Variants in EIF3F observed in about 807,000 individuals in gnomAD.
EIF3F encodes the protein eukaryotic translation initiation factor 3 subunit F.
A neutral mutation model predicts 36.0 loss-of-function variants in EIF3F; 8 were observed. The observed-to-expected ratio is 0.22, with a 90% CI of 0.13 to 0.40. EIF3F has a LOEUF of 0.40. EIF3F is among the 10% of genes least tolerant of loss of function. The pLI, the probability that EIF3F is intolerant of heterozygous loss-of-function variation, is 1.00. For missense variants in EIF3F, 430 were observed against 467.6 expected (o/e 0.92, Z 0.74); for synonymous variants, 184 against 188.5 (o/e 0.98, Z 0.19).
chr11:7,992,711 T>C, intron 3 of EIF3F, 176 bp from the exon 4 acceptor site: 2 of 794,600 alleles, frequency 2.5e-6, no homozygotes, highest in South Asian at 3.3e-5. Flanking sequence ...CAGCACTAAG[T>C]CAGCCTTTGA....
At chr11:7,993,549 T>C (rs551839003) in intron 4 of EIF3F, among the ~76,000 whole-genome samples, 3 of 152,240 alleles carry the variant, frequency 2.0e-5, no homozygotes, top group Admixed American at 6.5e-5. Flanking sequence ...ATGCCAGTTA[T>C]GGGGGATGTT....
At chr11:7,991,188 G>A (rs972884012) in intron 1 of EIF3F, among the ~76,000 whole-genome samples, 50 of 149,050 alleles carry the variant, frequency 3.4e-4, no homozygotes, top group Non-Finnish European at 5.3e-4. Flanking sequence ...GCAAGATTTC[G>A]TCTCAGAAAA....
At chr11:7,994,624 A>G (rs772688748) in intron 5 of EIF3F, 107 bp downstream of exon 5, 33 of 1,029,728 alleles carry the variant, frequency 3.2e-5, no homozygotes, top group East Asian at 1.6e-4. Flanking sequence ...AAAAGGGACT[A>G]TTGATCTAAG....
At chr11:7,992,439 A>T in intron 3 of EIF3F, 1 of 484,272 alleles carries the variant, frequency 2.1e-6, no homozygotes, top group South Asian at 2.3e-5. Flanking sequence ...AGGCATGATG[A>T]CACACACCTA....
In EIF3F at chr11:7,992,170, T is replaced by A; in HGVS notation, c.515+7T>A. On this transcript the variant is annotated splice_region_variant and intron_variant, in intron 3 of 7. Transcript: ENST00000651655. ...ATGAGCTCATCCTGGGCTGGTAAGT[T>A]GGGGAGGTGGGGGCTGGGGTTAATG... is the stretch of plus-strand genomic sequence containing the variant. 2 of 1,608,408 alleles carry A rather than the reference T, an allele frequency of 1.2e-6. No homozygotes were observed. Among genetic ancestry groups the A allele is most frequent in the Non-Finnish European group, 1.7e-6 (2 of 1,178,190 alleles).
At chr11:7,990,865 G>GAATGAATA (rs71452436) in intron 1 of EIF3F, among the ~76,000 whole-genome samples, 1 of 136,594 alleles carries the variant, frequency 7.3e-6, no homozygotes, top group African/African-American at 2.6e-5. Flanking sequence ...AATGTAGTGG[G>GAATGAATA]AATAAATAAA....
At chr11:7,994,934 CTT>C in intron 5 of EIF3F, 46 bp from the exon 6 acceptor site, 1 of 1,603,940 alleles carries the variant, frequency 6.2e-7, no homozygotes, top group Non-Finnish European at 8.5e-7. Context: ...AATTCTCTCT[CTT>C]ACTGCCCACC....
At position 7,996,368 on chromosome 11, in the gene EIF3F, G is replaced by C. The variant is rs963604767; in HGVS notation, c.*346G>C. The C allele has an allele frequency of 5.2e-6, 1 of 192,998 alleles. No homozygotes were observed. Among genetic ancestry groups the C allele is most frequent in the Non-Finnish European group, 1.1e-5 (1 of 94,034 alleles). 12.0% of individuals were successfully genotyped at this position (192,998 alleles called of 1,614,324 possible). A position where few individuals can be genotyped will look rare whatever the true frequency, so the allele number is the denominator to read the frequency against. ...ACAACCTTTTCTTGAGGATTCATGT[G>C]ATTTCTACAGGAAATGAAAATAAGA... On this transcript the variant is annotated 3_prime_UTR_variant, in exon 8 of 8. Coordinates refer to ENST00000651655, the MANE Select transcript of EIF3F (RefSeq NM_003754.3).
At position 7,998,368 on chromosome 11, in the gene EIF3F, AG is replaced by A. The variant is rs1942185744; in HGVS notation, c.*2348del. The A allele has an allele frequency of 6.6e-6, 1 of 152,250 alleles. No individual in the cohort carries two copies. 9.4% of individuals were successfully genotyped at this position (152,250 alleles called of 1,614,324 possible). ...GAATGAAGCTTACCTCAGTTTCTCC[AG>A]GCGGCACATCACAGTCTTCTTGCAC... On this transcript the variant is annotated 3_prime_UTR_variant, in exon 8 of 8. Transcript: ENST00000651655.
intron 1 of EIF3F, among the ~76,000 whole-genome samples, chr11:7,988,760 T>C (rs7125891): frequency 1.3e-5 from 2 of 152,054 alleles, no homozygotes; most frequent in Non-Finnish European, 2.9e-5. Flanking sequence ...GCCATGTGAC[T>C]TGGGGCAGAT....
At chr11:7,991,706 A>G in intron 1 of EIF3F, 75 bp from the exon 2 acceptor site, 1 of 1,407,412 alleles carries the variant, frequency 7.1e-7, no homozygotes. Flanking sequence ...GATCATCAAA[A>G]GCATTTCAAA....
In EIF3F at chr11:8,000,732, G is replaced by A. The variant is rs1211008484; in HGVS notation, c.*4710G>A. On this transcript the variant is annotated 3_prime_UTR_variant, in exon 8 of 8. Transcript: ENST00000651655. ...AGATAGATTACTTAAGAGCGAATGA[G>A]TGGTAATTTGGAAACAATGTTGGAT... The A allele has an allele frequency of 6.6e-6, 1 of 152,104 alleles. No individual in the cohort carries two copies. Among genetic ancestry groups the A allele is most frequent in the Non-Finnish European group, 1.5e-5 (1 of 68,032 alleles). 9.4% of individuals were successfully genotyped at this position (152,104 alleles called of 1,614,324 possible).
intron 1 of EIF3F, chr11:7,987,959 T>A: frequency 2.2e-6 from 1 of 454,982 alleles, no homozygotes; most frequent in Non-Finnish European, 3.5e-6. Context: ...ACACAAGGAG[T>A]AGTTGTGTCA....
chr11:7,991,937 T>C, intron 2 of EIF3F, 86 bp downstream of exon 2: 1 of 1,534,298 alleles, frequency 6.5e-7, no homozygotes, highest in East Asian at 2.3e-5. Context: ...CACTCATAAC[T>C]AGAGCTCCTG....
At chr11:7,990,872 T>TA (rs1942083743) in intron 1 of EIF3F, among the ~76,000 whole-genome samples, 1 of 86,058 alleles carries the variant, frequency 1.2e-5, no homozygotes, top group Admixed American at 1.3e-4. Context: ...TGGGAATAAA[T>TA]AAATAAATAA....
chr11:7,995,065 G>A lies in EIF3F; in HGVS notation c.829G>A (p.Ala277Thr), dbSNP rs1243917036. 2 of 1,614,032 alleles carry A rather than the reference G, an allele frequency of 1.2e-6. No individual in the cohort carries two copies. Among genetic ancestry groups the A allele is most frequent in the South Asian group, 2.2e-5 (2 of 91,074 alleles). Reference sequence around the variant, plus strand: ...CTTGCAGCAAGTAGGAGGGGCATCAGCTCGCATCCAGGATGCCCTGAGTAC... The same window carrying A: ...CTTGCAGCAAGTAGGAGGGGCATCAACTCGCATCCAGGATGCCCTGAGTAC... Reference protein sequence around the residue: ...SDLQQVGGASARIQDALSTVL... With the variant: ...SDLQQVGGASTRIQDALSTVL... The change falls in exon 6 of 8, where the codon GCT becomes ACT. Residue 277 changes from alanine (A) to threonine (T), a missense_variant. By Grantham distance (58) the Ala-to-Thr change is moderately conservative. Around this residue, in one of 2 missense-constraint regions of EIF3F, gnomAD observed 262 missense variants for 347.4 expected, o/e 0.75. Coordinates refer to ENST00000651655, the MANE Select transcript of EIF3F (RefSeq NM_003754.3).
intron 4 of EIF3F, 119 bp downstream of exon 4, chr11:7,993,143 CCT>C (rs1942117001): frequency 1.7e-6 from 2 of 1,166,018 alleles, no homozygotes; most frequent in South Asian, 1.8e-5. Context: ...GAAGCCTGTT[CCT>C]CTCTCTCAAC....
rs1589907603 is a variant in EIF3F at position 7,996,395 on chromosome 11, T to G, written c.*373T>G. ...TTTCTACAGGAAATGAAAATAAGAA[T>G]CCATGGAGAAAAAATAGCTAAGAAA... On this transcript the variant is annotated 3_prime_UTR_variant, in exon 8 of 8. Coordinates refer to ENST00000651655, the MANE Select transcript of EIF3F (RefSeq NM_003754.3). 1 of 177,664 alleles carries G rather than the reference T, an allele frequency of 5.6e-6. No homozygotes were observed. The highest frequency in any genetic ancestry group is 2.4e-5 in the African/African-American group (1 of 42,240). 11.0% of individuals were successfully genotyped at this position (177,664 alleles called of 1,614,324 possible).
intron 3 of EIF3F, 93 bp from the exon 4 acceptor site, chr11:7,992,794 G>T (rs1269478019): frequency 6.5e-7 from 1 of 1,547,764 alleles, no homozygotes; most frequent in Non-Finnish European, 8.9e-7. Context: ...TACCGTAGAA[G>T]TGTCCGGTAC....
Sources: gnomAD v4.1 joint callset for allele counts (sites outside exome capture counted in the v4.1 genomes callset) on GRCh38, gnomAD v4.1.1 for gene constraint, gnomAD v4.1.1 regional missense constraint, MANE v1.5 for transcripts, NCBI Gene and HGNC (gene_info 2026-07-23, HGNC 2026-07-21) for gene names.